PHKA1: variants seen among roughly 807,000 people sequenced by gnomAD.
PHKA1 encodes the protein phosphorylase kinase regulatory subunit alpha 1.
In PHKA1, 60 loss-of-function variants were observed where a neutral mutation model predicts 110.2. The observed-to-expected ratio is 0.54, with a 90% CI of 0.44 to 0.68. The LOEUF (loss-of-function observed/expected upper bound fraction) is 0.68. PHKA1 is among the 30% of genes least tolerant of loss of function. PHKA1 has a pLI of 0.00. For missense variants in PHKA1, 801 were observed against 942.5 expected, an observed-to-expected ratio of 0.85 and a Z score of 1.97; for synonymous variants, 316 against 333.6, an observed-to-expected ratio of 0.95 and a Z score of 0.58.
In PHKA1 at chrX:72,711,053, G is replaced by T. The variant is rs781866789; in HGVS notation, c.237+1726C>A. Among the ~76,000 whole-genome samples the T allele has an allele frequency of 5.6e-5, 6 of 106,561 alleles. No homozygotes were observed. The South Asian group carries it at 2.5e-3, about 45-fold the overall frequency. The allele number at this position is 106,561 out of a possible 115,157, so 92.5% of individuals were successfully genotyped here. On this transcript the variant is annotated intron_variant, in intron 2 of 31. Transcript: ENST00000373542. Reference sequence around the variant, plus strand: ...ATTTTTTGTATTTTTAGTAGAGACGGGGTTTCACCGTGTTAGCCAGGATGG... The same window carrying T: ...ATTTTTTGTATTTTTAGTAGAGACGTGGTTTCACCGTGTTAGCCAGGATGG...
intron 13 of PHKA1, among the ~76,000 whole-genome samples, chrX:72,648,966 T>A (rs1445964573): frequency 9.0e-6 from 1 of 111,319 alleles, no homozygotes; most frequent in Non-Finnish European, 1.9e-5. Context: ...AATGCTAAAA[T>A]CTAGTTCTAT....
chrX:72,652,808 C>T (rs2053446139), intron 11 of PHKA1, among the ~76,000 whole-genome samples, 157 bp from the exon 12 acceptor site: 1 of 111,621 alleles, frequency 9.0e-6, no homozygotes, highest in East Asian at 2.8e-4. Context: ...GGGCAGTGCT[C>T]CCCAACTGTG....
chrX:72,579,223 T>C lies in PHKA1; in HGVS notation c.*1779A>G, dbSNP rs1309974054. 1 of 112,455 alleles carries C rather than the reference T, an allele frequency of 8.9e-6. No homozygotes were observed. Among genetic ancestry groups the C allele is most frequent in the East Asian group, 2.8e-4 (1 of 3,600 alleles). The allele number at this position is 112,455 out of a possible 1,213,427, so 9.3% of individuals were successfully genotyped here. On this transcript the variant is annotated 3_prime_UTR_variant, in exon 32 of 32. Coordinates refer to ENST00000373542, the MANE Select transcript of PHKA1 (RefSeq NM_002637.4). Reference sequence around the variant, plus strand: ...AAAATAATGTAGTCAGAAAGCTACTTACTGTGTGTTTCCATTTGCTCTGAG... The same window carrying C: ...AAAATAATGTAGTCAGAAAGCTACTCACTGTGTGTTTCCATTTGCTCTGAG...
chrX:72,608,043 A>G (rs180696714), intron 23 of PHKA1, among the ~76,000 whole-genome samples: 2 of 110,886 alleles, frequency 1.8e-5, no homozygotes, highest in Non-Finnish European at 3.8e-5. Context: ...GTCTCTCCCT[A>G]TACCCACCAC....
intron 29 of PHKA1, among the ~76,000 whole-genome samples, chrX:72,587,908 T>C (rs995783765): frequency 1.8e-5 from 2 of 111,815 alleles, no homozygotes; most frequent in Admixed American, 1.9e-4. Context: ...ATGCACCCAA[T>C]ACAGGAGCAC....
rs1344991191 is a variant in PHKA1, at chrX:72,579,791, A to C, written c.*1211T>G. The C allele has an allele frequency of 3.6e-5, 4 of 111,746 alleles. No individual in the cohort carries two copies. Among genetic ancestry groups the C allele is most frequent in the Admixed American group, 2.9e-4 (3 of 10,479 alleles). The allele number at this position is 111,746 out of a possible 1,213,427, so 9.2% of individuals were successfully genotyped here. ...ACACACAAATATGTGTCTTTATAAGAAACAGACATATGCCCACAGATACCA... is the reference window on the plus strand; with the variant it reads ...ACACACAAATATGTGTCTTTATAAGCAACAGACATATGCCCACAGATACCA... On this transcript the variant is annotated 3_prime_UTR_variant, in exon 32 of 32. Coordinates refer to ENST00000373542, the MANE Select transcript of PHKA1 (RefSeq NM_002637.4).
intron 5 of PHKA1, among the ~76,000 whole-genome samples, chrX:72,682,430 A>G (rs1459156227): frequency 2.7e-5 from 3 of 110,808 alleles, no homozygotes; most frequent in East Asian, 3.4e-4. Context: ...GGTGTGCCCA[A>G]CAGCTCATTG....
At chrX:72,655,771 T>C (rs370250572) in intron 10 of PHKA1, among the ~76,000 whole-genome samples, 16 of 111,354 alleles carry the variant, frequency 1.4e-4, no homozygotes, top group Admixed American at 6.6e-4. Context: ...TACAGGCGCC[T>C]GCCACCACGC....
At position 72,702,748 on chromosome X, in the gene PHKA1, T is replaced by A. The variant is rs186742747; in HGVS notation, c.285+2450A>T. 6.3e-5 allele frequency among the ~76,000 whole-genome samples: 7 copies of A among 111,431 alleles called. No individual in the cohort carries two copies. In the East Asian group the frequency reaches 2.0e-3, roughly 31 times the overall value. Reference sequence around the variant, plus strand: ...TTGTAAAATGCTTTCTCCAAAAGATTTGAAAAAACAAAGGTGGGGGGATGT... The same window carrying A: ...TTGTAAAATGCTTTCTCCAAAAGATATGAAAAAACAAAGGTGGGGGGATGT... On this transcript the variant is annotated intron_variant, in intron 3 of 31. Transcript: ENST00000373542.
intron 5 of PHKA1, 98 bp from the exon 6 acceptor site, chrX:72,676,248 T>G: frequency 1.8e-6 from 1 of 561,094 alleles, no homozygotes; most frequent in South Asian, 3.0e-5. Flanking sequence ...ACACTAGGAG[T>G]AACTAATTTG....
intron 29 of PHKA1, 21 bp downstream of exon 29, chrX:72,593,083 T>A (rs781958344): frequency 5.5e-6 from 6 of 1,089,323 alleles, no homozygotes; most frequent in Non-Finnish European, 6.4e-6. Flanking sequence ...AAATGAGACA[T>A]CAACAATGTA....
chrX:72,612,090 G>A (rs1297923869), intron 21 of PHKA1, among the ~76,000 whole-genome samples: 2 of 111,903 alleles, frequency 1.8e-5, no homozygotes, highest in Non-Finnish European at 3.8e-5. Context: ...TCCATCATCT[G>A]ATGAATGGAT....
intron 5 of PHKA1, among the ~76,000 whole-genome samples, chrX:72,678,970 G>C (rs782655187): frequency 4.5e-5 from 5 of 112,276 alleles, no homozygotes; most frequent in Non-Finnish European, 9.4e-5. Flanking sequence ...TTGCAGGACA[G>C]ACTAACGGAG....
At chrX:72,594,128 C>A (rs1461254543) in intron 28 of PHKA1, among the ~76,000 whole-genome samples, 1 of 110,867 alleles carries the variant, frequency 9.0e-6, no homozygotes, top group Admixed American at 9.7e-5. Flanking sequence ...CACAACATAG[C>A]AAAACTTATG....
intron 14 of PHKA1, among the ~76,000 whole-genome samples, chrX:72,641,930 A>G (rs190319313): frequency 8.9e-6 from 1 of 111,874 alleles, no homozygotes; most frequent in African/African-American, 3.2e-5. Context: ...CCGTGGTCAT[A>G]GCATTTATAA....
At chrX:72,587,307 C>T (rs138087421) in intron 29 of PHKA1, among the ~76,000 whole-genome samples, 247 of 111,384 alleles carry the variant, frequency 2.2e-3, no homozygotes, top group African/African-American at 6.1e-3. Context: ...GAAATTTCAA[C>T]GCAGAATTTC....
chrX:72,710,955 G>A (rs1485221903), intron 2 of PHKA1, among the ~76,000 whole-genome samples: 4 of 106,240 alleles, frequency 3.8e-5, no homozygotes, highest in Non-Finnish European at 7.8e-5. Context: ...TCCGCCTCCC[G>A]GGTTCACGCC....
intron 4 of PHKA1, among the ~76,000 whole-genome samples, chrX:72,686,555 C>A (rs1458900945): frequency 8.9e-6 from 1 of 112,082 alleles, no homozygotes; most frequent in Non-Finnish European, 1.9e-5. Context: ...TGTATCAAAT[C>A]TTTCCTCACT....
intron 5 of PHKA1, among the ~76,000 whole-genome samples, chrX:72,682,204 T>TG (rs1348349922): frequency 7.9e-5 from 5 of 63,310 alleles, no homozygotes; most frequent in African/African-American, 1.2e-4. Context: ...GGGAGGGAGG[T>TG]GGGGGGGTCA....
Sources: gnomAD v4.1 joint callset for allele counts (sites outside exome capture counted in the v4.1 genomes callset) on GRCh38, gnomAD v4.1.1 for gene constraint, MANE v1.5 for transcripts, NCBI Gene and HGNC (gene_info 2026-07-23, HGNC 2026-07-21) for gene names.